SORCS3: variants seen among roughly 807,000 people sequenced by gnomAD.
SORCS3 encodes the protein sortilin related VPS10 domain containing receptor 3, also known as VPS10 domain-containing receptor SorCS3.
Under a neutral mutation model 146.3 loss-of-function variants are expected in SORCS3, and 57 were observed. The ratio of observed to expected loss-of-function variants is 0.39; its 90% CI spans 0.31 to 0.49. SORCS3 has a LOEUF of 0.49. Ranked by LOEUF, SORCS3 falls within the 20% of genes least tolerant of loss-of-function variation. The pLI, the probability that SORCS3 is intolerant of heterozygous loss-of-function variation, is 0.92. For synonymous variants in SORCS3, 653 were observed against 618.5 expected, an observed-to-expected ratio of 1.06 and a Z score of -0.83; for missense variants, 1,341 against 1,575.5, an observed-to-expected ratio of 0.85 and a Z score of 2.52.
At chr10:105,080,337 G>A (rs1226708142) in intron 5 of SORCS3, among the ~76,000 whole-genome samples, 2 of 152,060 alleles carry the variant, frequency 1.3e-5, no homozygotes, top group Non-Finnish European at 2.9e-5. Context: ...TCATATGCTT[G>A]CTGGCCACAT....
chr10:104,893,301 C>T (rs2018767137), intron 2 of SORCS3, among the ~76,000 whole-genome samples: 1 of 152,210 alleles, frequency 6.6e-6, no homozygotes, highest in East Asian at 1.9e-4. Context: ...TGTAGATACT[C>T]AGCAGGGACT....
intron 1 of SORCS3, among the ~76,000 whole-genome samples, chr10:104,783,575 A>C (rs1278941180): frequency 6.6e-6 from 1 of 152,136 alleles, no homozygotes; most frequent in East Asian, 1.9e-4. Flanking sequence ...AAAAATTCAA[A>C]AATTAGCCGG....
intron 6 of SORCS3, among the ~76,000 whole-genome samples, chr10:105,104,518 C>A (rs961885944): frequency 6.6e-6 from 1 of 152,110 alleles, no homozygotes; most frequent in Non-Finnish European, 1.5e-5. Flanking sequence ...GAGGAGGGTT[C>A]AGCTGTTGAG....
chr10:104,682,000 C>G (rs1370986651), intron 1 of SORCS3, among the ~76,000 whole-genome samples: 2 of 152,114 alleles, frequency 1.3e-5, no homozygotes, highest in Non-Finnish European at 2.9e-5. Context: ...TGCCTGTCCT[C>G]TGGTGGGAAT....
At chr10:105,217,284 A>G (rs1345013416) in intron 19 of SORCS3, among the ~76,000 whole-genome samples, 162 bp downstream of exon 19, 1 of 152,212 alleles carries the variant, frequency 6.6e-6, no homozygotes, top group Non-Finnish European at 1.5e-5. Context: ...TCTGAGTATT[A>G]TGGTACTGAA....
chr10:104,717,368 G>C (rs963862984), intron 1 of SORCS3, among the ~76,000 whole-genome samples: 1 of 150,260 alleles, frequency 6.7e-6, no homozygotes, highest in Non-Finnish European at 1.5e-5. Context: ...GAGATGTTCT[G>C]TTTTGACCTC....
At chr10:104,713,887 G>C (rs2016447200) in intron 1 of SORCS3, among the ~76,000 whole-genome samples, 1 of 152,110 alleles carries the variant, frequency 6.6e-6, no homozygotes, top group South Asian at 2.1e-4. Context: ...ATCAGGCCTG[G>C]TGATTTCTTT....
chr10:105,187,504 C>A (rs1210501307), intron 14 of SORCS3, among the ~76,000 whole-genome samples: 1 of 152,170 alleles, frequency 6.6e-6, no homozygotes, highest in Non-Finnish European at 1.5e-5. Flanking sequence ...TTCTGGAGAC[C>A]AACAGCTGTT....
intron 7 of SORCS3, among the ~76,000 whole-genome samples, chr10:105,117,996 C>T (rs1249590176): frequency 6.6e-6 from 1 of 152,150 alleles, no homozygotes; most frequent in Non-Finnish European, 1.5e-5. Flanking sequence ...GATGCCTCTT[C>T]CTCTGCCCAC....
At position 104,993,572 on chromosome 10, in the gene SORCS3, G is replaced by A. The variant is rs150779366; in HGVS notation, c.954+16079G>A. ...GATCATGTCAATATTGGGCATGAAT[G>A]TTTTCATAATTGAAATGCTGAAAGG... On this transcript the variant is annotated intron_variant, in intron 4 of 26. Transcript: ENST00000369701. Among the ~76,000 whole-genome samples, 321 of 152,262 alleles carry A rather than the reference G, an allele frequency of 2.1e-3. 2 individuals are homozygous for A. Among genetic ancestry groups the A allele is most frequent in the African/African-American group, 7.5e-3 (311 of 41,554 alleles).
intron 9 of SORCS3, among the ~76,000 whole-genome samples, chr10:105,156,384 C>T (rs1343218233): frequency 6.6e-6 from 1 of 152,112 alleles, no homozygotes; most frequent in Non-Finnish European, 1.5e-5. Flanking sequence ...ACCCTAGAAC[C>T]CTTCTGGGTG....
chr10:104,844,419 C>G (rs1589521131), intron 2 of SORCS3, among the ~76,000 whole-genome samples: 1 of 152,116 alleles, frequency 6.6e-6, no homozygotes, highest in Non-Finnish European at 1.5e-5. Context: ...AAAGGTTTGG[C>G]TATTTCTAGG....
At chr10:104,679,894 T>G (rs1320792587) in intron 1 of SORCS3, among the ~76,000 whole-genome samples, 1 of 152,208 alleles carries the variant, frequency 6.6e-6, no homozygotes, top group Admixed American at 6.5e-5. Context: ...TTGTGTTTTT[T>G]TAATTAAACT....
chr10:105,103,609 A>T (rs994564419), intron 6 of SORCS3, among the ~76,000 whole-genome samples: 1 of 152,210 alleles, frequency 6.6e-6, no homozygotes, highest in Non-Finnish European at 1.5e-5. Flanking sequence ...AACACTTCAG[A>T]GGCAGAATTG....
intron 1 of SORCS3, among the ~76,000 whole-genome samples, chr10:104,702,488 A>G (rs2016291222): frequency 6.6e-6 from 1 of 152,118 alleles, no homozygotes; most frequent in Non-Finnish European, 1.5e-5. Context: ...GGGTTTCACC[A>G]TGTTGGCCAG....
intron 14 of SORCS3, among the ~76,000 whole-genome samples, chr10:105,186,755 G>A (rs1294864352): frequency 6.6e-6 from 1 of 151,820 alleles, no homozygotes; most frequent in Non-Finnish European, 1.5e-5. Flanking sequence ...GTAGTGGTGG[G>A]CACTTGTAAT....
intron 6 of SORCS3, among the ~76,000 whole-genome samples, chr10:105,098,412 A>G (rs2055761098): frequency 6.6e-6 from 1 of 152,206 alleles, no homozygotes; most frequent in South Asian, 2.1e-4. Context: ...TTGTATAACA[A>G]CTTGCCCAAG....
intron 4 of SORCS3, among the ~76,000 whole-genome samples, chr10:105,011,343 T>G (rs892124806): frequency 6.6e-6 from 1 of 152,168 alleles, no homozygotes; most frequent in African/African-American, 2.4e-5. Flanking sequence ...AGTCCTTCTC[T>G]CCTTCCTCCT....
At chr10:105,045,922 G>A (rs2055368931) in intron 5 of SORCS3, among the ~76,000 whole-genome samples, 1 of 152,092 alleles carries the variant, frequency 6.6e-6, no homozygotes, top group Non-Finnish European at 1.5e-5. Flanking sequence ...CGGTAAGGCT[G>A]GTGCCCATGG....
Sources: allele counts gnomAD v4.1 joint callset (sites outside exome capture counted in the v4.1 genomes callset), GRCh38; gene constraint gnomAD v4.1.1; transcripts MANE v1.5; gene names NCBI Gene and HGNC (gene_info 2026-07-23, HGNC 2026-07-21).